AFDN: variants seen among roughly 807,000 people sequenced by gnomAD.
AFDN encodes afadin, adherens junction formation factor.
In AFDN, 68 loss-of-function variants were observed where a neutral mutation model predicts 216.6. That is an observed-to-expected ratio of 0.31 (90% confidence interval 0.26 to 0.38). The LOEUF is 0.38. Among genes scored for constraint, AFDN ranks in the 10% least tolerant of loss-of-function variants. The pLI is 1.00. For synonymous variants in AFDN, 868 were observed against 853.7 expected, an observed-to-expected ratio of 1.02 and a Z score of -0.29; for missense variants, 2,136 against 2,342.0, an observed-to-expected ratio of 0.91 and a Z score of 1.82.
chr6:167,937,081 C>A (rs1794099083), intron 23 of AFDN, among the ~76,000 whole-genome samples: 1 of 152,126 alleles, frequency 6.6e-6, no homozygotes, highest in East Asian at 1.9e-4. Context: ...GGCATGTGAA[C>A]AGGGCCAGTG....
chr6:167,961,420 G>A (rs1383270558), intron 30 of AFDN, among the ~76,000 whole-genome samples: 1 of 152,220 alleles, frequency 6.6e-6, no homozygotes, highest in African/African-American at 2.4e-5. Flanking sequence ...CCAAAAGGGA[G>A]AGTCTTTCTG....
Position 167,922,896 on chromosome 6 carries a change from T to C in AFDN, c.2949T>C (p.Thr983=). Residue 983 remains threonine, a synonymous_variant, in exon 22 of 34, where the codon ACT becomes ACC. Transcript: ENST00000683244. Reference sequence around the variant, plus strand: ...TTCCTCACACACGTTCACCAGGTACTTGGACAATATATTTTGAAGGTGCAG... The same window carrying C: ...TTCCTCACACACGTTCACCAGGTACCTGGACAATATATTTTGAAGGTGCAG... ...RLIPHTRSPG[T]WTIYFEGADY... The C allele has an allele frequency of 6.2e-7, 1 of 1,613,454 alleles. No individual in the cohort carries two copies. The highest frequency in any genetic ancestry group is 2.2e-5 in the East Asian group (1 of 44,810).
rs1451051238 is a variant in AFDN at position 167,827,094 on chromosome 6, GC to G, written c.-35del. The stretch of plus-strand genomic sequence containing the variant: ...CCTGTCGTCCTCGGCCCGTCCTCCG[GC>G]CCCGGCCCCGCGCGGCTGAGGAGGC... On this transcript the variant is annotated 5_prime_UTR_variant, in exon 1 of 34. Transcript: ENST00000683244. 9 of 1,147,848 alleles carry G rather than the reference GC, an allele frequency of 7.8e-6. No homozygotes were observed. Among genetic ancestry groups the G allele is most frequent in the Admixed American group, 3.2e-5 (1 of 31,248 alleles). The allele number at this position is 1,147,848 out of a possible 1,614,324, so 71.1% of individuals were successfully genotyped here.
chr6:167,943,893 A>G (rs1263944370), intron 25 of AFDN, 48 bp from the exon 26 acceptor site: 2 of 1,459,146 alleles, frequency 1.4e-6, no homozygotes, highest in African/African-American at 1.4e-5. Flanking sequence ...ATGACAGAGC[A>G]GGCACTGCGT....
Position 167,891,096 on chromosome 6 carries a change from T to C in AFDN, c.1177+67T>C, listed in dbSNP as rs951198761. The C allele has an allele frequency of 6.2e-6, 8 of 1,294,742 alleles. No homozygotes were observed. The Admixed American group carries it at 1.6e-4, about 26-fold the overall frequency. 80.2% of individuals were successfully genotyped at this position (1,294,742 alleles called of 1,614,324 possible). A position where few individuals can be genotyped will look rare whatever the true frequency, so the allele number is the denominator to read the frequency against. ...TTTTTAGCTTCAAATCTTTGTACTT[T>C]CTAATGCATCTTCAAGTAGTCTTCT... On this transcript the variant is annotated intron_variant, in intron 8 of 33. Coordinates refer to ENST00000683244, the MANE Select transcript of AFDN (RefSeq NM_001386888.1).
At chr6:167,888,954 T>TAAA (rs780867435) in intron 6 of AFDN, among the ~76,000 whole-genome samples, 3 of 147,008 alleles carry the variant, frequency 2.0e-5, no homozygotes, top group Admixed American at 6.8e-5. Context: ...TAAAAAGTTG[T>TAAA]AAAAAAAAAA....
At chr6:167,844,042 T>C (rs2128139378) in intron 1 of AFDN, among the ~76,000 whole-genome samples, 1 of 152,308 alleles carries the variant, frequency 6.6e-6, no homozygotes, top group East Asian at 1.9e-4. Context: ...TAGTTCGTGT[T>C]TTTTGAATTG....
At position 167,948,306 on chromosome 6, in the gene AFDN, C is replaced by T. The variant is rs539736963; in HGVS notation, c.3659C>T (p.Pro1220Leu). 50 of 1,611,546 alleles carry T rather than the reference C, an allele frequency of 3.1e-5. No individual in the cohort carries two copies. The highest frequency in any genetic ancestry group is 4.4e-5 in the South Asian group (4 of 90,448). Residue 1220 changes from proline (P) to leucine (L), a missense_variant, in exon 29 of 34, where the codon CCG becomes CTG. This residue lies in a region of AFDN where 981 missense variants were observed against 966.0 expected (regional missense o/e 1.02). Transcript: ENST00000683244. ...CACATTTTACAGGAGCAGACGCCTC[C>T]GCCTAGACCTGAAGCCTACCCCATC... ...GNLCTEEQTP[P>L]PRPEAYPIPT...
Position 167,827,128 on chromosome 6 carries a change from G to C in AFDN, c.-5G>C. 1.6e-6 allele frequency: 2 copies of C among 1,279,692 alleles called. No individual in the cohort carries two copies. The allele number at this position is 1,279,692 out of a possible 1,614,324, so 79.3% of individuals were successfully genotyped here. A position where few individuals can be genotyped will look rare whatever the true frequency, so the allele number is the denominator to read the frequency against. On this transcript the variant is annotated 5_prime_UTR_variant, in exon 1 of 34. Coordinates refer to ENST00000683244, the MANE Select transcript of AFDN (RefSeq NM_001386888.1). Reference sequence around the variant, plus strand: ...CCGCGCGGCTGAGGAGGCGCGGCCAGGACCATGTCGGCGGGCGGCCGTGAC... The same window carrying C: ...CCGCGCGGCTGAGGAGGCGCGGCCACGACCATGTCGGCGGGCGGCCGTGAC...
At chr6:167,966,954 G>A (rs1404499665) in intron 32 of AFDN, among the ~76,000 whole-genome samples, 5 of 152,222 alleles carry the variant, frequency 3.3e-5, no homozygotes, top group African/African-American at 1.2e-4. Flanking sequence ...CCAGCAGCCA[G>A]ACCTTAGCAG....
At chr6:167,912,166 G>A (rs1790482882) in intron 15 of AFDN, 1 of 152,154 alleles carries the variant, frequency 6.6e-6, no homozygotes, top group Non-Finnish European at 1.5e-5. Context: ...TTGGTAGAAT[G>A]GTTTGACTCC....
chr6:167,872,564 TTGC>T (rs1233468418), intron 4 of AFDN, among the ~76,000 whole-genome samples, 187 bp downstream of exon 4: 1 of 152,226 alleles, frequency 6.6e-6, no homozygotes, highest in Non-Finnish European at 1.5e-5. Flanking sequence ...GCAGGGTTCA[TTGC>T]TGGCAGTGCC....
At chr6:167,876,635 A>T (rs1315392429) in intron 5 of AFDN, among the ~76,000 whole-genome samples, 2 of 152,242 alleles carry the variant, frequency 1.3e-5, no homozygotes, top group Non-Finnish European at 2.9e-5. Context: ...TCCCTTAAAG[A>T]ATACTCAGGT....
chr6:167,920,522 G>A (rs147266041), intron 21 of AFDN, among the ~76,000 whole-genome samples: 177 of 152,208 alleles, frequency 1.2e-3, no homozygotes, highest in Non-Finnish European at 1.6e-3. Context: ...TACTTAGAGC[G>A]TTAGTCCTCG....
At chr6:167,826,810 G>C (rs1231647405), upstream of AFDN, 1 of 146,930 alleles carries the variant, frequency 6.8e-6, no homozygotes, top group Non-Finnish European at 1.5e-5. Flanking sequence ...CCGGAGGTGC[G>C]GCGGCGCCGC....
rs1299700733 is a variant in AFDN at position 167,889,346 on chromosome 6, A to G, written c.1009+20A>G. ...ACAAAGGTAGTAACCTTATTAAAGG[A>G]TTACTTACACCAGATTCCTATGTGA... On this transcript the variant is annotated intron_variant, in intron 7 of 33. Transcript: ENST00000683244. 1.3e-6 allele frequency: 2 copies of G among 1,504,178 alleles called. No homozygotes were observed. The highest frequency in any genetic ancestry group is 1.9e-6 in the Non-Finnish European group (2 of 1,080,254). 93.2% of individuals were successfully genotyped at this position (1,504,178 alleles called of 1,614,324 possible).
At position 167,880,451 on chromosome 6, in the gene AFDN, T is replaced by C; in HGVS notation, c.831T>C (p.Ala277=). 6 of 1,613,934 alleles carry C rather than the reference T, an allele frequency of 3.7e-6. No individual in the cohort carries two copies. The highest frequency in any genetic ancestry group is 1.3e-5 in the African/African-American group (1 of 75,060). Residue 277 remains alanine (A), a synonymous_variant, in exon 6 of 34, where the codon GCT becomes GCC. Coordinates refer to ENST00000683244, the MANE Select transcript of AFDN (RefSeq NM_001386888.1). ...LLSTTDPADF[A]VAEALEKYGL... Reference sequence around the variant, plus strand: ...CTACTACAGATCCTGCAGACTTTGCTGTGGCTGAAGCTTTAGAGAAGTATG... The same window carrying C: ...CTACTACAGATCCTGCAGACTTTGCCGTGGCTGAAGCTTTAGAGAAGTATG...
At chr6:167,939,145 A>G (rs1794372463) in intron 23 of AFDN, among the ~76,000 whole-genome samples, 1 of 152,206 alleles carries the variant, frequency 6.6e-6, no homozygotes. Flanking sequence ...CTTGTTTATA[A>G]TAGTGTCACT....
chr6:167,868,942 CT>C (rs74549296), intron 2 of AFDN, among the ~76,000 whole-genome samples: 2,971 of 144,496 alleles, frequency 0.021, 52 homozygotes, highest in Non-Finnish European at 0.034. Context: ...TCTTCTTCTT[CT>C]TTTTTTTTTT....
Sources: allele counts gnomAD v4.1 joint callset (sites outside exome capture counted in the v4.1 genomes callset), GRCh38; gene constraint gnomAD v4.1.1; regional missense constraint gnomAD v4.1.1; transcripts MANE v1.5; gene names NCBI Gene and HGNC (gene_info 2026-07-23, HGNC 2026-07-21).